VIPR2: variants seen among roughly 807,000 people sequenced by gnomAD.
VIPR2 encodes the protein vasoactive intestinal polypeptide receptor 2.
VIPR2 carries 48 observed loss-of-function variants against 58.0 expected under a neutral mutation model. The ratio of observed to expected loss-of-function variants is 0.83; its 90% confidence interval spans 0.66 to 1.05. VIPR2 has a LOEUF of 1.05. VIPR2 is among the 50% of genes least tolerant of loss of function. The probability of loss-of-function intolerance (pLI) is 0.00; values close to 1 mark genes in which losing one functional copy is unlikely to be tolerated. For missense variants in VIPR2, 534 were observed against 558.0 expected, an observed-to-expected ratio of 0.96 and a Z score of 0.43; for synonymous variants, 243 against 235.2, an observed-to-expected ratio of 1.03 and a Z score of -0.30.
In VIPR2 at chr7:159,031,844, C is replaced by CT. The variant is rs1853604421; in HGVS notation, c.1126_1127insA (p.Cys376Ter). ...FQGLVVAVLY[C>*]FLNSEVQCEL... ...TGAACTTACCTCACTGTTCAGGAAA[C>CT]AGTAGAGGACGGCCACCACCAGGCC... The change falls in exon 12 of 13, where the codon TGT becomes TAGT. Residue 376 changes from cysteine to a stop codon, truncating the protein, a stop_gained and frameshift_variant. Coordinates refer to ENST00000262178, the MANE Select transcript of VIPR2 (RefSeq NM_003382.5). LOFTEE classifies it low-confidence loss of function (END_TRUNC). The surrounding 1 kb of genome is among the most constrained non-coding windows in gnomAD (Gnocchi z 4.0). 5 of 1,613,852 alleles carry CT rather than the reference C, an allele frequency of 3.1e-6. No individual in the cohort carries two copies. The highest frequency in any genetic ancestry group is 4.2e-6 in the Non-Finnish European group (5 of 1,180,018).
At chr7:159,087,510 A>G (rs1026982107) in intron 4 of VIPR2, among the ~76,000 whole-genome samples, 2 of 132,254 alleles carry the variant, frequency 1.5e-5, no homozygotes, top group African/African-American at 5.6e-5. Flanking sequence ...CAGGACTCAG[A>G]TAGTGAGATA....
At chr7:159,136,853 C>T (rs112509313) in intron 2 of VIPR2, among the ~76,000 whole-genome samples, 3,087 of 152,220 alleles carry the variant, frequency 0.02, 83 homozygotes, top group African/African-American at 0.068. Flanking sequence ...GAGAAGCAGC[C>T]GCCACTCGTC....
intron 4 of VIPR2, among the ~76,000 whole-genome samples, chr7:159,069,283 C>T (rs763722267): frequency 5.9e-5 from 9 of 152,152 alleles, no homozygotes; most frequent in South Asian, 2.1e-4. Context: ...CTTCTCCAGG[C>T]GCTCCGAGTG....
At chr7:159,105,400 C>T (rs1049882279) in intron 3 of VIPR2, among the ~76,000 whole-genome samples, 2 of 152,194 alleles carry the variant, frequency 1.3e-5, no homozygotes, top group African/African-American at 4.8e-5. Flanking sequence ...TTCAAGACAA[C>T]CCTGCAAGAC....
chr7:159,140,559 T>C (rs1276713623), intron 2 of VIPR2, among the ~76,000 whole-genome samples: 1 of 152,212 alleles, frequency 6.6e-6, no homozygotes, highest in Non-Finnish European at 1.5e-5. Flanking sequence ...ACAGATCAGA[T>C]ACAGATATTT....
intron 2 of VIPR2, among the ~76,000 whole-genome samples, chr7:159,121,277 G>C (rs922207021): frequency 1.3e-5 from 2 of 149,432 alleles, no homozygotes; most frequent in Non-Finnish European, 3.0e-5. Flanking sequence ...CCCTCTGCAC[G>C]AGTCGGCTCC....
At chr7:159,120,181 T>C (rs1796404053) in intron 2 of VIPR2, among the ~76,000 whole-genome samples, 1 of 152,226 alleles carries the variant, frequency 6.6e-6, no homozygotes, top group Admixed American at 6.5e-5. Context: ...TTCAGACTCA[T>C]ACTAAACATC....
At chr7:159,036,285 G>A (rs752670539) in intron 7 of VIPR2, among the ~76,000 whole-genome samples, 16 of 152,276 alleles carry the variant, frequency 1.1e-4, no homozygotes, top group East Asian at 7.7e-4. Flanking sequence ...TTGAACGTGC[G>A]GAGAAGGAGA....
At chr7:159,135,417 G>A (rs917295359) in intron 2 of VIPR2, among the ~76,000 whole-genome samples, 8 of 152,098 alleles carry the variant, frequency 5.3e-5, no homozygotes, top group Non-Finnish European at 1.5e-5. Context: ...GGGTGACAGA[G>A]TGCGTGAGGC....
intron 2 of VIPR2, among the ~76,000 whole-genome samples, chr7:159,133,976 T>G (rs1454944979): frequency 2.0e-5 from 3 of 152,226 alleles, no homozygotes; most frequent in African/African-American, 7.2e-5. Flanking sequence ...AGATGACAGG[T>G]AGTTTGATAT....
intron 2 of VIPR2, among the ~76,000 whole-genome samples, chr7:159,126,950 C>T (rs1156484981): frequency 6.6e-6 from 1 of 152,174 alleles, no homozygotes; most frequent in African/African-American, 2.4e-5. Context: ...AAAGCTTAAC[C>T]CTGCAAACAC....
intron 2 of VIPR2, among the ~76,000 whole-genome samples, chr7:159,137,147 G>A (rs538490255): frequency 3.9e-5 from 6 of 152,060 alleles, no homozygotes; most frequent in African/African-American, 7.2e-5. Flanking sequence ...GGGGCCGGCC[G>A]CCCACCCTGA....
In VIPR2 at chr7:159,036,918, A is replaced by G; in HGVS notation, c.598-16T>C. On this transcript the variant is annotated splice_polypyrimidine_tract_variant and intron_variant, in intron 6 of 12. Coordinates refer to ENST00000262178, the MANE Select transcript of VIPR2 (RefSeq NM_003382.5). ...TGCAGCCCACCTGGAAACCGCAAAC[A>G]GAGGAGAGGAAAGCATGACCTCATC... The G allele has an allele frequency of 6.2e-7, 1 of 1,608,038 alleles. No individual in the cohort carries two copies. The highest frequency in any genetic ancestry group is 8.5e-7 in the Non-Finnish European group (1 of 1,175,822).
chr7:159,116,589 T>G (rs1423515987), intron 2 of VIPR2, among the ~76,000 whole-genome samples: 4 of 152,214 alleles, frequency 2.6e-5, no homozygotes, highest in Non-Finnish European at 5.9e-5. Flanking sequence ...AAAAAGACAC[T>G]GTAGACTAAG....
chr7:159,056,237 T>G, intron 5 of VIPR2, among the ~76,000 whole-genome samples: 1 of 147,216 alleles, frequency 6.8e-6, no homozygotes, highest in East Asian at 2.1e-4. Context: ...TCCCCCAATC[T>G]TGCCCCCCTT....
intron 8 of VIPR2, among the ~76,000 whole-genome samples, chr7:159,034,853 G>A (rs922856806): frequency 6.6e-6 from 1 of 152,264 alleles, no homozygotes; most frequent in Non-Finnish European, 1.5e-5. Context: ...GTCGGCTTGT[G>A]GGGAGGAGGA....
At chr7:159,144,375 G>A in intron 1 of VIPR2, 1 of 1,543,046 alleles carries the variant, frequency 6.5e-7, no homozygotes, top group Non-Finnish European at 8.7e-7. Flanking sequence ...CGCAGCCCGC[G>A]CAGGCGCCCG....
Position 159,117,005 on chromosome 7 carries a change from G to A in VIPR2, c.152-7086C>T, listed in dbSNP as rs181225788. 371 of 316,826 alleles carry A rather than the reference G, an allele frequency of 1.2e-3. 2 individuals carry two copies. Among genetic ancestry groups the A allele is most frequent in the Non-Finnish European group, 1.8e-3 (318 of 172,058 alleles). The allele number at this position is 316,826 out of a possible 1,614,324, so 19.6% of individuals were successfully genotyped here. On this transcript the variant is annotated intron_variant, in intron 2 of 12. Coordinates refer to ENST00000262178, the MANE Select transcript of VIPR2 (RefSeq NM_003382.5). ...CAATTAAATTTCAAGAGACTCTTAC[G>A]ACATGCTCCCCCTTATCTAGGAAAT...
chr7:159,037,837 AT>A (rs1854070060), intron 6 of VIPR2, among the ~76,000 whole-genome samples: 1 of 151,884 alleles, frequency 6.6e-6, no homozygotes, highest in South Asian at 2.1e-4. Context: ...TAGTATTTTC[AT>A]TTCCATTCTT....
Sources: gnomAD v4.1 joint callset for allele counts (sites outside exome capture counted in the v4.1 genomes callset) on GRCh38, gnomAD v4.1.1 for gene constraint, Gnocchi (gnomAD v3.1) non-coding constraint, MANE v1.5 for transcripts, NCBI Gene and HGNC (gene_info 2026-07-23, HGNC 2026-07-21) for gene names.